Variants in GSE1 observed in about 807,000 individuals in gnomAD.
GSE1 encodes genetic suppressor element 1.
In GSE1, 32 loss-of-function variants were observed where a neutral mutation model predicts 112.6. The ratio of observed to expected loss-of-function variants is 0.28; its 90% CI spans 0.21 to 0.38. The LOEUF is 0.38. GSE1 is among the 10% of genes least tolerant of loss of function. The probability of loss-of-function intolerance (pLI) is 1.00; values close to 1 mark genes in which losing one functional copy is unlikely to be tolerated. For synonymous variants in GSE1, 1,115 were observed against 735.6 expected, an observed-to-expected ratio of 1.52 and a Z score of -8.35; for missense variants, 2,348 against 1,699.2, an observed-to-expected ratio of 1.38 and a Z score of -6.71.
intron 2 of GSE1, among the ~76,000 whole-genome samples, chr16:85,385,752 G>A (rs906436744): frequency 6.6e-6 from 1 of 152,208 alleles, no homozygotes; most frequent in Non-Finnish European, 1.5e-5. Context: ...CCGAGGCCTC[G>A]GCGGTAATGG....
upstream of GSE1, chr16:85,555,500 GA>G (rs2045158360): frequency 1.0e-6 from 1 of 984,974 alleles, no homozygotes; most frequent in African/African-American, 1.7e-5. Flanking sequence ...TTATTTACGA[GA>G]AGAAATCTCC....
At chr16:85,579,747 C>T (rs540172329) in intron 1 of GSE1, among the ~76,000 whole-genome samples, 8 of 152,276 alleles carry the variant, frequency 5.3e-5, no homozygotes, top group African/African-American at 1.9e-4. Context: ...CGGTCTGGGC[C>T]AGGAAGAGAG....
At chr16:85,177,188 G>A (rs1365395548) in intron 1 of GSE1, among the ~76,000 whole-genome samples, 1 of 152,260 alleles carries the variant, frequency 6.6e-6, no homozygotes, top group East Asian at 1.9e-4. Flanking sequence ...GGGGGAAGGG[G>A]TGAGGCTGGA....
intron 1 of GSE1, among the ~76,000 whole-genome samples, chr16:85,226,758 G>GGTGTGTGTGTGTGTGTGT (rs55999145): frequency 1.9e-5 from 2 of 104,974 alleles, no homozygotes; most frequent in East Asian, 2.9e-4. Flanking sequence ...TGCCTGGACT[G>GGTGTGTGTGTGTGTGTGT]GTGTGTGTGT....
At chr16:85,435,651 G>A (rs146674366) in intron 2 of GSE1, among the ~76,000 whole-genome samples, 3,083 of 152,176 alleles carry the variant, frequency 0.02, 42 homozygotes, top group Middle Eastern at 0.044. Context: ...GGGAATGTCT[G>A]AGAGGGAAGG....
intron 2 of GSE1, among the ~76,000 whole-genome samples, chr16:85,498,171 T>C (rs1291144936): frequency 6.6e-6 from 1 of 152,098 alleles, no homozygotes; most frequent in Non-Finnish European, 1.5e-5. Flanking sequence ...CCCCGTTTGT[T>C]CTGCAGGCTG....
chr16:85,621,273 T>G (rs1445048198), intron 1 of GSE1, among the ~76,000 whole-genome samples: 1 of 152,198 alleles, frequency 6.6e-6, no homozygotes, highest in Non-Finnish European at 1.5e-5. Context: ...TGTGCTCTGT[T>G]GGGGAACCCG....
chr16:85,607,593 A>AC (rs1356749418), upstream of GSE1, among the ~76,000 whole-genome samples: 2 of 152,016 alleles, frequency 1.3e-5, no homozygotes, highest in Non-Finnish European at 2.9e-5. Flanking sequence ...CCGGGCCTTA[A>AC]CCCTTTCCTG....
intron 1 of GSE1, among the ~76,000 whole-genome samples, chr16:85,264,339 A>T (rs1263050154): frequency 6.6e-6 from 1 of 152,048 alleles, no homozygotes; most frequent in Admixed American, 6.5e-5. Flanking sequence ...CCCGTCTCAG[A>T]TGGGCTTGGG....
chr16:85,241,226 C>T (rs1253937719), intron 1 of GSE1, among the ~76,000 whole-genome samples: 1 of 152,190 alleles, frequency 6.6e-6, no homozygotes, highest in Non-Finnish European at 1.5e-5. Context: ...CCTCCCAGAG[C>T]CTCAGTTCTT....
chr16:85,478,907 CTTTCTT>C (rs1567520674), intron 2 of GSE1, among the ~76,000 whole-genome samples: 1 of 50,966 alleles, frequency 2.0e-5, no homozygotes, highest in African/African-American at 8.9e-5. Context: ...TTCTTTCTTT[CTTTCTT>C]TCTTTCTTTC....
At chr16:85,243,194 A>G (rs528488740) in intron 1 of GSE1, among the ~76,000 whole-genome samples, 126 of 152,348 alleles carry the variant, frequency 8.3e-4, no homozygotes, top group African/African-American at 2.9e-3. Flanking sequence ...ACAAATGACC[A>G]CACACTTTGG....
At chr16:85,338,259 C>G (rs989094918) in intron 1 of GSE1, among the ~76,000 whole-genome samples, 4 of 152,370 alleles carry the variant, frequency 2.6e-5, no homozygotes, top group African/African-American at 9.6e-5. Context: ...TTTTCCGTAT[C>G]TTGCCTTCAC....
intron 2 of GSE1, among the ~76,000 whole-genome samples, chr16:85,542,156 A>G (rs2151209870): frequency 6.6e-6 from 1 of 152,274 alleles, no homozygotes; most frequent in Non-Finnish European, 1.5e-5. Flanking sequence ...GTGTGTGTGC[A>G]TGTTGGAATT....
chr16:85,362,032 G>A (rs1221740164), intron 2 of GSE1, among the ~76,000 whole-genome samples: 1 of 152,206 alleles, frequency 6.6e-6, no homozygotes, highest in Non-Finnish European at 1.5e-5. Flanking sequence ...TGGCCGTCTG[G>A]GAGGTGGCCA....
At chr16:85,224,833 C>CA (rs34148489) in intron 1 of GSE1, among the ~76,000 whole-genome samples, 2,862 of 107,506 alleles carry the variant, frequency 0.027, 36 homozygotes, top group African/African-American at 0.044. Context: ...ACTAAAAATA[C>CA]AAAAAAAAAA....
At chr16:85,370,961 G>T (rs1326312605) in intron 2 of GSE1, among the ~76,000 whole-genome samples, 1 of 152,196 alleles carries the variant, frequency 6.6e-6, no homozygotes, top group Non-Finnish European at 1.5e-5. Flanking sequence ...GTGGGGCGGA[G>T]GCTGGGAGGG....
chr16:85,290,235 A>C (rs1427392415), intron 1 of GSE1, among the ~76,000 whole-genome samples: 1 of 152,024 alleles, frequency 6.6e-6, no homozygotes, highest in Non-Finnish European at 1.5e-5. Context: ...CCCCGCCCGC[A>C]CTTCCCTGCA....
At chr16:85,635,476 A>C (rs541923801) in intron 2 of GSE1, among the ~76,000 whole-genome samples, 16 of 151,892 alleles carry the variant, frequency 1.1e-4, no homozygotes, top group African/African-American at 3.9e-4. Context: ...AGGGGGAAGC[A>C]GACTGCCTGC....
Sources: gnomAD v4.1 joint callset for allele counts (sites outside exome capture counted in the v4.1 genomes callset) on GRCh38, gnomAD v4.1.1 for gene constraint, MANE v1.5 for transcripts, NCBI Gene and HGNC (gene_info 2026-07-23, HGNC 2026-07-21) for gene names.